MAGI2: variants seen among roughly 807,000 people sequenced by gnomAD.
MAGI2 encodes membrane-associated guanylate kinase, WW and PDZ domain-containing protein 2.
MAGI2 carries 35 observed loss-of-function variants against 133.3 expected under a neutral mutation model. The ratio of observed to expected loss-of-function variants is 0.26; its 90% CI spans 0.20 to 0.35. The LOEUF is 0.35. Among genes scored for constraint, MAGI2 ranks in the 10% least tolerant of loss-of-function variants. The pLI is 1.00. For synonymous variants in MAGI2, 729 were observed against 710.6 expected (o/e 1.03, Z -0.41); for missense variants, 1,636 against 1,863.4 (o/e 0.88, Z 2.25).
chr7:79,324,866 G>C (rs1030866948), intron 1 of MAGI2, among the ~76,000 whole-genome samples: 1 of 150,194 alleles, frequency 6.7e-6, no homozygotes, highest in Non-Finnish European at 1.5e-5. Context: ...ACAACAAAAT[G>C]CCTTTTCAGT....
chr7:78,882,971 A>G (rs1795992484), intron 2 of MAGI2, among the ~76,000 whole-genome samples: 2 of 152,156 alleles, frequency 1.3e-5, no homozygotes, highest in Admixed American at 6.6e-5. Context: ...CACTCTCACT[A>G]CTTCTATTCA....
At chr7:78,669,871 AC>A (rs1403308316) in intron 2 of MAGI2, among the ~76,000 whole-genome samples, 2 of 151,928 alleles carry the variant, frequency 1.3e-5, no homozygotes, top group Admixed American at 6.6e-5. Context: ...AAATTCAACA[AC>A]CCTTCATGCT....
At chr7:79,271,844 A>G (rs1340601165) in intron 1 of MAGI2, among the ~76,000 whole-genome samples, 1 of 151,978 alleles carries the variant, frequency 6.6e-6, no homozygotes, top group African/African-American at 2.4e-5. Context: ...AAGTACTTCC[A>G]AAAAAACACT....
rs189270290 is a variant in MAGI2 at position 78,030,405 on chromosome 7, C to T, written c.3707-10429G>A. 9.3e-4 allele frequency among the ~76,000 whole-genome samples: 142 copies of T among 152,186 alleles called. 1 individual carries two copies. The highest frequency in any genetic ancestry group is 3.0e-3 in the African/African-American group (123 of 41,532). On this transcript the variant is annotated intron_variant, in intron 21 of 21. Transcript: ENST00000354212. ...CAGAATAGCTGGGATTACAGGCACACGCCACCAAGCCCAGCTAATTTTTGT... is the reference window on the plus strand; with the variant it reads ...CAGAATAGCTGGGATTACAGGCACATGCCACCAAGCCCAGCTAATTTTTGT...
chr7:78,970,682 T>C (rs1390992590), intron 2 of MAGI2, among the ~76,000 whole-genome samples: 1 of 152,080 alleles, frequency 6.6e-6, no homozygotes, highest in Admixed American at 6.6e-5. Context: ...AGCTAATTCA[T>C]CCTGGCTGAC....
intron 9 of MAGI2, among the ~76,000 whole-genome samples, chr7:78,329,104 A>C (rs1342024548): frequency 6.6e-6 from 1 of 152,228 alleles, no homozygotes; most frequent in African/African-American, 2.4e-5. Flanking sequence ...TTAGATGATG[A>C]CACTCAAGAT....
At chr7:78,320,038 A>C (rs1051751258) in intron 9 of MAGI2, among the ~76,000 whole-genome samples, 1 of 152,226 alleles carries the variant, frequency 6.6e-6, no homozygotes, top group Non-Finnish European at 1.5e-5. Flanking sequence ...AAACGGATAA[A>C]TTCCTGGACA....
At chr7:78,105,578 T>A (rs1295128501) in intron 20 of MAGI2, among the ~76,000 whole-genome samples, 1 of 152,194 alleles carries the variant, frequency 6.6e-6, no homozygotes, top group Non-Finnish European at 1.5e-5. Flanking sequence ...TAGTATATCA[T>A]TATGGTTTTA....
intron 2 of MAGI2, among the ~76,000 whole-genome samples, chr7:78,802,028 C>T (rs1030169942): frequency 5.3e-5 from 8 of 152,156 alleles, no homozygotes; most frequent in African/African-American, 1.7e-4. Context: ...AATCCATTAT[C>T]AAGAGTTTTC....
intron 1 of MAGI2, among the ~76,000 whole-genome samples, chr7:79,400,786 G>A (rs1845413303): frequency 6.6e-6 from 1 of 151,900 alleles, no homozygotes; most frequent in East Asian, 1.9e-4. Context: ...ATAGTTATGT[G>A]GTATGTCCTA....
chr7:78,585,342 A>T (rs1032162325), intron 3 of MAGI2, among the ~76,000 whole-genome samples: 2 of 152,080 alleles, frequency 1.3e-5, no homozygotes, highest in South Asian at 4.2e-4. Flanking sequence ...ATAGAAGAAA[A>T]ATTTTTCTCT....
intron 2 of MAGI2, among the ~76,000 whole-genome samples, chr7:78,916,023 T>C (rs539556963): frequency 1.3e-5 from 2 of 152,124 alleles, no homozygotes; most frequent in Admixed American, 6.6e-5. Flanking sequence ...ATAAGAGAGA[T>C]GGATTATGCA....
intron 1 of MAGI2, among the ~76,000 whole-genome samples, chr7:79,029,612 G>A (rs1383641963): frequency 2.0e-5 from 3 of 152,162 alleles, no homozygotes; most frequent in Non-Finnish European, 4.4e-5. Context: ...AATGCAGAAT[G>A]TGAGGCTCAG....
intron 7 of MAGI2, among the ~76,000 whole-genome samples, chr7:78,350,748 G>A (rs991904517): frequency 6.6e-6 from 1 of 152,116 alleles, no homozygotes; most frequent in Non-Finnish European, 1.5e-5. Flanking sequence ...GAGAGGAAAG[G>A]GAGGAATTAG....
chr7:78,357,227 TAA>T (rs1341383876), intron 7 of MAGI2, among the ~76,000 whole-genome samples: 4 of 152,204 alleles, frequency 2.6e-5, no homozygotes, highest in African/African-American at 9.7e-5. Context: ...CTGGCTTCTT[TAA>T]GTTTCATTTT....
chr7:78,613,751 A>G (rs999857194), intron 3 of MAGI2, among the ~76,000 whole-genome samples: 1 of 152,230 alleles, frequency 6.6e-6, no homozygotes, highest in Non-Finnish European at 1.5e-5. Flanking sequence ...AACATGAGTT[A>G]AAAATGTGAC....
intron 1 of MAGI2, among the ~76,000 whole-genome samples, chr7:79,197,174 G>T (rs188524897): frequency 6.6e-6 from 1 of 151,952 alleles, no homozygotes; most frequent in African/African-American, 2.4e-5. Flanking sequence ...TCCAGATCTA[G>T]TGGGTACTTG....
At chr7:79,382,174 T>C (rs894392148) in intron 1 of MAGI2, among the ~76,000 whole-genome samples, 1 of 151,728 alleles carries the variant, frequency 6.6e-6, no homozygotes, top group African/African-American at 2.4e-5. Flanking sequence ...GTTATTTATC[T>C]AGACAGGGAT....
chr7:78,751,527 G>T (rs1349846792), intron 2 of MAGI2, among the ~76,000 whole-genome samples: 1 of 152,172 alleles, frequency 6.6e-6, no homozygotes, highest in African/African-American at 2.4e-5. Context: ...ACAATTTAAT[G>T]CTTCCCTACT....
Sources: allele counts gnomAD v4.1 joint callset (sites outside exome capture counted in the v4.1 genomes callset), GRCh38; gene constraint gnomAD v4.1.1; transcripts MANE v1.5; gene names NCBI Gene and HGNC (gene_info 2026-07-23, HGNC 2026-07-21).